CYC1: variants seen among roughly 807,000 people sequenced by gnomAD.
CYC1 encodes cytochrome c1, heme protein, mitochondrial.
CYC1 carries 10 observed loss-of-function variants against 33.8 expected under a neutral mutation model. The observed-to-expected ratio is 0.30, with a 90% confidence interval of 0.18 to 0.50. The LOEUF is 0.50. CYC1 is among the 20% of genes least tolerant of loss of function. The pLI is 0.98. For missense variants in CYC1, 459 were observed against 437.6 expected (o/e 1.05, Z -0.44); for synonymous variants, 224 against 181.9 (o/e 1.23, Z -1.86).
Position 144,095,177 on chromosome 8 carries a change from G to A in CYC1, c.78G>A (p.Arg26=). 1 of 1,208,972 alleles carries A rather than the reference G, an allele frequency of 8.3e-7. No homozygotes were observed. Among genetic ancestry groups the A allele is most frequent in the Non-Finnish European group, 1.0e-6 (1 of 972,696 alleles). The allele number at this position is 1,208,972 out of a possible 1,614,324, so 74.9% of individuals were successfully genotyped here. A position where few individuals can be genotyped will look rare whatever the true frequency, so the allele number is the denominator to read the frequency against. ...RGAGLPGARA[R]GLLCSARPGQ... is the part of the protein sequence containing the mutation. ...CGGGGCTCCCGGGCGCGCGTGCCCG[G>A]GGTCTGCTGTGCAGCGCGCGTCCCG... Residue 26 remains arginine (R), a synonymous_variant, in exon 1 of 7, where the codon CGG becomes CGA. Coordinates refer to ENST00000318911, the MANE Select transcript of CYC1 (RefSeq NM_001916.5).
intron 5 of CYC1, 138 bp from the exon 6 acceptor site, chr8:144,096,896 C>G: frequency 8.5e-7 from 1 of 1,179,958 alleles, no homozygotes; most frequent in Non-Finnish European, 1.2e-6. Context: ...TGGGCTCCTT[C>G]AGTTTTGCGT....
intron 1 of CYC1, 21 bp from the exon 2 acceptor site, chr8:144,095,812 C>T (rs768501982): frequency 1.9e-6 from 3 of 1,600,644 alleles, no homozygotes; most frequent in Non-Finnish European, 2.5e-6. Context: ...TCCTGGCAGG[C>T]GCTGAGCGGA....
Position 144,096,654 on chromosome 8 carries a change from C to T in CYC1, c.682C>T (p.Arg228Trp), listed in dbSNP as rs571701830. ...CGAGCCACCCACCGGGGTGTCACTG[C>T]GGGAAGGTCTCTACTTCAACCCCTA... is the stretch of plus-strand genomic sequence containing the variant. ...YCEPPTGVSL[R>W]EGLYFNPYFP... Residue 228 changes from arginine (R) to tryptophan (W), a missense_variant, in exon 5 of 7, where the codon CGG becomes TGG. Arg to Trp is a moderately radical substitution (Grantham distance 101). Transcript: ENST00000318911. 6.2e-6 allele frequency: 10 copies of T among 1,613,978 alleles called. No homozygotes were observed. The highest frequency in any genetic ancestry group is 4.5e-5 in the East Asian group (2 of 44,868).
chr8:144,096,333 G>A lies in CYC1; in HGVS notation c.454-4G>A. 1 of 1,613,968 alleles carries A rather than the reference G, an allele frequency of 6.2e-7. No individual in the cohort carries two copies. The highest frequency in any genetic ancestry group is 8.5e-7 in the Non-Finnish European group (1 of 1,179,966). The stretch of plus-strand genomic sequence containing the variant: ...CAGGGTTGTGATGAGGCTCTCGGTG[G>A]CAGGTGGAGGTTCAAGACGGCCCCA... On this transcript the variant is annotated splice_region_variant and splice_polypyrimidine_tract_variant and intron_variant, in intron 3 of 6. Coordinates refer to ENST00000318911, the MANE Select transcript of CYC1 (RefSeq NM_001916.5).
In CYC1 at chr8:144,095,240, G is replaced by A; in HGVS notation, c.129+12G>A. 1 of 1,199,404 alleles carries A rather than the reference G, an allele frequency of 8.3e-7. No homozygotes were observed. The highest frequency in any genetic ancestry group is 1.0e-6 in the Non-Finnish European group (1 of 967,082). 74.3% of individuals were successfully genotyped at this position (1,199,404 alleles called of 1,614,324 possible). A position where few individuals can be genotyped will look rare whatever the true frequency, so the allele number is the denominator to read the frequency against. ...TACGGACACCTCAGGTGAGCGCTGG[G>A]CCGGGCCCCGGCCTCCGCGCGGCCC... On this transcript the variant is annotated intron_variant, in intron 1 of 6. Transcript: ENST00000318911.
At position 144,097,100 on chromosome 8, in the gene CYC1, C is replaced by T; in HGVS notation, c.839C>T (p.Pro280Leu). The T allele has an allele frequency of 6.2e-7, 1 of 1,612,054 alleles. No homozygotes were observed. Among genetic ancestry groups the T allele is most frequent in the South Asian group, 1.1e-5 (1 of 90,620 alleles). The stretch of plus-strand genomic sequence containing the variant: ...ACCTTCCTGCGCTGGGCATCTGAGC[C>T]AGAGCACGACCATCGAAAACGCATG... ...VCTFLRWASE[P>L]EHDHRKRMGL... is the part of the protein sequence containing the mutation. The change falls in exon 6 of 7, where the codon CCA becomes CTA. Residue 280 changes from proline (P) to leucine (L), a missense_variant. By Grantham distance (98) the Pro-to-Leu change is moderately conservative. Coordinates refer to ENST00000318911, the MANE Select transcript of CYC1 (RefSeq NM_001916.5).
In CYC1 at chr8:144,097,186, G is replaced by A. The variant is rs369102230; in HGVS notation, c.874-46G>A. 2.5e-6 allele frequency: 4 copies of A among 1,611,154 alleles called. No homozygotes were observed. The African/African-American group carries it at 5.3e-5, about 22-fold the overall frequency. On this transcript the variant is annotated intron_variant, in intron 6 of 6. Transcript: ENST00000318911. ...GTATCAGAGAAGGGCTGGGAGCTGG[G>A]CAGGGCTCCTCCCCACTCCCTTCTC...
chr8:144,095,244 G>T lies in CYC1; in HGVS notation c.129+16G>T. ...GACACCTCAGGTGAGCGCTGGGCCGGGCCCCGGCCTCCGCGCGGCCCCGCA... is the reference window on the plus strand; with the variant it reads ...GACACCTCAGGTGAGCGCTGGGCCGTGCCCCGGCCTCCGCGCGGCCCCGCA... On this transcript the variant is annotated intron_variant, in intron 1 of 6. Coordinates refer to ENST00000318911, the MANE Select transcript of CYC1 (RefSeq NM_001916.5). 8.3e-7 allele frequency: 1 copy of T among 1,198,918 alleles called. No individual in the cohort carries two copies. Among genetic ancestry groups the T allele is most frequent in the Non-Finnish European group, 1.0e-6 (1 of 966,744 alleles). 74.3% of individuals were successfully genotyped at this position (1,198,918 alleles called of 1,614,324 possible).
At chr8:144,096,272 G>A (rs1291637763) in intron 3 of CYC1, 22 bp downstream of exon 3, 1 of 1,613,638 alleles carries the variant, frequency 6.2e-7, no homozygotes, top group South Asian at 1.1e-5. Context: ...GGGGATGCCT[G>A]GGACCCAGGG....
chr8:144,095,657 C>T lies in CYC1; in HGVS notation c.130-176C>T, dbSNP rs1361770145. ...ATCCAGGAACACCCTCTCCTGAGAGCGAATCACGGTCTAGGGGTCAGCGGC... is the reference window on the plus strand; with the variant it reads ...ATCCAGGAACACCCTCTCCTGAGAGTGAATCACGGTCTAGGGGTCAGCGGC... On this transcript the variant is annotated intron_variant, in intron 1 of 6. Coordinates refer to ENST00000318911, the MANE Select transcript of CYC1 (RefSeq NM_001916.5). The T allele has an allele frequency of 7.6e-6, 5 of 660,000 alleles. No homozygotes were observed. The Admixed American group carries it at 9.3e-5, about 12-fold the overall frequency. The allele number at this position is 660,000 out of a possible 1,614,324, so 40.9% of individuals were successfully genotyped here. A position where few individuals can be genotyped will look rare whatever the true frequency, so the allele number is the denominator to read the frequency against.
At chr8:144,095,497 C>T in intron 1 of CYC1, 3 of 450,726 alleles carry the variant, frequency 6.7e-6, no homozygotes, top group African/African-American at 2.1e-5. Flanking sequence ...ATGGCGCGCC[C>T]AGGACGGCTC....
At position 144,095,076 on chromosome 8, in the gene CYC1, G is replaced by A; in HGVS notation, c.-24G>A. On this transcript the variant is annotated 5_prime_UTR_variant, in exon 1 of 7. Coordinates refer to ENST00000318911, the MANE Select transcript of CYC1 (RefSeq NM_001916.5). ...TGGCGCCCCAGGGGCCGACGGGAGT[G>A]GCGGCCGCGCGGAGGAGGCCAAGAT... 8.3e-7 allele frequency: 1 copy of A among 1,205,026 alleles called. No individual in the cohort carries two copies. The highest frequency in any genetic ancestry group is 1.0e-6 in the Non-Finnish European group (1 of 969,558). The allele number at this position is 1,205,026 out of a possible 1,614,324, so 74.6% of individuals were successfully genotyped here. A position where few individuals can be genotyped will look rare whatever the true frequency, so the allele number is the denominator to read the frequency against.
chr8:144,096,259 T>A lies in CYC1; in HGVS notation c.453+9T>A, dbSNP rs1836150626. Reference sequence around the variant, plus strand: ...AGGAGCTGGCTGCGGAGGTGTGGGGTCTGGGGATGCCTGGGACCCAGGGCT... The same window carrying A: ...AGGAGCTGGCTGCGGAGGTGTGGGGACTGGGGATGCCTGGGACCCAGGGCT... On this transcript the variant is annotated intron_variant, in intron 3 of 6. Coordinates refer to ENST00000318911, the MANE Select transcript of CYC1 (RefSeq NM_001916.5). 1 of 1,613,004 alleles carries A rather than the reference T, an allele frequency of 6.2e-7. No individual in the cohort carries two copies. Among genetic ancestry groups the A allele is most frequent in the Non-Finnish European group, 8.5e-7 (1 of 1,179,698 alleles).
chr8:144,097,036 A>C lies in CYC1; in HGVS notation c.775A>C (p.Thr259Pro), dbSNP rs1587605621. 1 of 1,603,924 alleles carries C rather than the reference A, an allele frequency of 6.2e-7. No individual in the cohort carries two copies. Among genetic ancestry groups the C allele is most frequent in the South Asian group, 1.1e-5 (1 of 89,518 alleles). ...CCTCACTGCTTGTCGTTGGCCAGGCACCCCAGCTACCATGTCCCAGATAGC... is the reference window on the plus strand; with the variant it reads ...CCTCACTGCTTGTCGTTGGCCAGGCCCCCCAGCTACCATGTCCCAGATAGC... ...YTDVLEFDDGTPATMSQIAKD... is the reference protein window; with the variant it reads ...YTDVLEFDDGPPATMSQIAKD... Residue 259 changes from threonine (T) to proline (P), a missense_variant and splice_region_variant, in exon 6 of 7, where the codon ACC becomes CCC. Transcript: ENST00000318911.
chr8:144,095,378 T>A, intron 1 of CYC1, 150 bp downstream of exon 1: 1 of 670,046 alleles, frequency 1.5e-6, no homozygotes, highest in Middle Eastern at 5.1e-4. Context: ...ACCTTGAGCG[T>A]GTGGGATCAG....
At position 144,095,198 on chromosome 8, in the gene CYC1, T is replaced by G. The variant is rs11541475; in HGVS notation, c.99T>G (p.Arg33=). Residue 33 remains arginine (R), a synonymous_variant, in exon 1 of 7, where the codon CGT becomes CGG. Transcript: ENST00000318911. ...CCCGGGGTCTGCTGTGCAGCGCGCG[T>G]CCCGGGCAGCTCCCGCTACGGACAC... The part of the protein sequence containing the change: ...ARARGLLCSA[R]PGQLPLRTPQ... 0.91 allele frequency: 1,093,275 copies of G among 1,205,102 alleles called. 497,423 individuals are homozygous for G. The highest frequency in any genetic ancestry group is 1 in the East Asian group (28,988 of 29,084). The allele number at this position is 1,205,102 out of a possible 1,614,324, so 74.7% of individuals were successfully genotyped here.
chr8:144,095,161 C>T lies in CYC1; in HGVS notation c.62C>T (p.Pro21Leu), dbSNP rs894348555. ...TTGGGCCCGCGGGGCGCGGGGCTCC[C>T]GGGCGCGCGTGCCCGGGGTCTGCTG... ...VVLGPRGAGL[P>L]GARARGLLCS... Residue 21 changes from proline (P) to leucine (L), a missense_variant, in exon 1 of 7, where the codon CCG becomes CTG. Pro to Leu is a moderately conservative substitution (Grantham distance 98). Coordinates refer to ENST00000318911, the MANE Select transcript of CYC1 (RefSeq NM_001916.5). 2.5e-6 allele frequency: 3 copies of T among 1,209,822 alleles called. No individual in the cohort carries two copies. The highest frequency in any genetic ancestry group is 3.4e-5 in the East Asian group (1 of 29,502). The allele number at this position is 1,209,822 out of a possible 1,614,324, so 74.9% of individuals were successfully genotyped here.
At chr8:144,096,797 C>G (rs1260037629) in intron 5 of CYC1, 53 bp downstream of exon 5, 13 of 1,379,144 alleles carry the variant, frequency 9.4e-6, no homozygotes, top group Non-Finnish European at 1.1e-5. Flanking sequence ...TCCACTACCC[C>G]CAGGGATGCT....
chr8:144,097,510 TA>T lies in CYC1; in HGVS notation c.*176del. On this transcript the variant is annotated 3_prime_UTR_variant, in exon 7 of 7. Coordinates refer to ENST00000318911, the MANE Select transcript of CYC1 (RefSeq NM_001916.5). ...TTCAGCCCCCATCATGGGAATAAATTAATTTTCTCAATGTACATATTTGAGT... is the reference window on the plus strand; with the variant it reads ...TTCAGCCCCCATCATGGGAATAAATTATTTTCTCAATGTACATATTTGAGT... The T allele has an allele frequency of 1.7e-6, 1 of 599,188 alleles. No homozygotes were observed. Among genetic ancestry groups the T allele is most frequent in the Non-Finnish European group, 3.0e-6 (1 of 336,678 alleles). 37.1% of individuals were successfully genotyped at this position (599,188 alleles called of 1,614,324 possible).
Sources: gnomAD v4.1 joint callset for allele counts on GRCh38, gnomAD v4.1.1 for gene constraint, MANE v1.5 for transcripts, NCBI Gene and HGNC (gene_info 2026-07-23, HGNC 2026-07-21) for gene names.